The following IFT140 variants were observed in gnomAD, a reference collection of about 807,000 sequenced individuals.
IFT140 encodes intraflagellar transport protein 140 homolog.
Under a neutral mutation model 164.6 loss-of-function variants are expected in IFT140, and 133 were observed. The ratio of observed to expected loss-of-function variants is 0.81; its 90% confidence interval spans 0.70 to 0.93. IFT140 has a LOEUF of 0.93. Among genes scored for constraint, IFT140 ranks in the 40% least tolerant of loss-of-function variants. The probability of loss-of-function intolerance (pLI) is 0.00; values close to 1 mark genes in which losing one functional copy is unlikely to be tolerated. For synonymous variants in IFT140, 860 were observed against 817.3 expected, an observed-to-expected ratio of 1.05 and a Z score of -0.89; for missense variants, 2,045 against 1,972.3, an observed-to-expected ratio of 1.04 and a Z score of -0.70.
intron 8 of IFT140, 75 bp from the exon 9 acceptor site, chr16:1,587,379 T>C (rs2034943381): frequency 4.5e-6 from 4 of 882,410 alleles, no homozygotes; most frequent in African/African-American, 1.7e-5. Flanking sequence ...TTTGAACCTG[T>C]GGAGCAAACA....
chr16:1,541,647 G>A (rs1006091848), intron 19 of IFT140: 4 of 347,708 alleles, frequency 1.2e-5, no homozygotes, highest in African/African-American at 8.9e-5. Flanking sequence ...GACAGAAATA[G>A]CAGAGTAGGG....
At chr16:1,581,178 G>C (rs928280744) in intron 12 of IFT140, among the ~76,000 whole-genome samples, 1 of 152,212 alleles carries the variant, frequency 6.6e-6, no homozygotes, top group Admixed American at 6.5e-5. Context: ...ACCCAGTTAA[G>C]CAAATGTTTG....
chr16:1,583,569 G>A (rs1282698327), intron 11 of IFT140, among the ~76,000 whole-genome samples, 183 bp from the exon 12 acceptor site: 2 of 151,112 alleles, frequency 1.3e-5, no homozygotes, highest in African/African-American at 4.9e-5. Flanking sequence ...TGTTATATAA[G>A]ATATCCATGG....
At chr16:1,530,078 G>A (rs982051417) in intron 19 of IFT140, among the ~76,000 whole-genome samples, 8 of 148,076 alleles carry the variant, frequency 5.4e-5, no homozygotes, top group Non-Finnish European at 8.9e-5. Flanking sequence ...ACACCACGTT[G>A]TAAGACATGC....
chr16:1,572,663 AAAG>A (rs1471037398), intron 13 of IFT140, among the ~76,000 whole-genome samples: 4 of 152,158 alleles, frequency 2.6e-5, no homozygotes, highest in African/African-American at 9.7e-5. Context: ...CAACAACAAA[AAAG>A]AAAGCATATA....
chr16:1,598,345 G>C (rs747513188), intron 4 of IFT140, among the ~76,000 whole-genome samples: 2 of 151,808 alleles, frequency 1.3e-5, no homozygotes, highest in African/African-American at 2.4e-5. Context: ...GTAGTCCCAG[G>C]TACTCGGGAG....
At chr16:1,568,382 C>A in intron 14 of IFT140, 48 bp from the exon 15 acceptor site, 6 of 1,421,784 alleles carry the variant, frequency 4.2e-6, no homozygotes, top group Non-Finnish European at 4.9e-6. Context: ...GCCCAGTTCC[C>A]AATTCTCCGC....
Position 1,510,820 on chromosome 16 carries a change from C to G in IFT140, c.*124G>C. 1 of 918,252 alleles carries G rather than the reference C, an allele frequency of 1.1e-6. No individual in the cohort carries two copies. The highest frequency in any genetic ancestry group is 1.4e-5 in the South Asian group (1 of 69,174). 56.9% of individuals were successfully genotyped at this position (918,252 alleles called of 1,614,324 possible). Reference sequence around the variant, plus strand: ...CGGGCCGCTGCGTTCTCGCCCAGCTCTGTCGCGTATTCCAACACAGACATG... The same window carrying G: ...CGGGCCGCTGCGTTCTCGCCCAGCTGTGTCGCGTATTCCAACACAGACATG... On this transcript the variant is annotated 3_prime_UTR_variant, in exon 31 of 31. Transcript: ENST00000426508.
chr16:1,541,899 C>T (rs776027580), intron 19 of IFT140: 1 of 1,569,874 alleles, frequency 6.4e-7, no homozygotes, highest in Non-Finnish European at 8.6e-7. Context: ...CTCACCACTG[C>T]CTCTCTGCTC....
chr16:1,565,737 A>G (rs1295564691), intron 16 of IFT140, among the ~76,000 whole-genome samples: 1 of 152,232 alleles, frequency 6.6e-6, no homozygotes, highest in Non-Finnish European at 1.5e-5. Flanking sequence ...AAAGTTCTCC[A>G]AATGCCCATT....
At chr16:1,557,756 C>T in intron 19 of IFT140, 179 bp downstream of exon 19, 2 of 642,582 alleles carry the variant, frequency 3.1e-6, no homozygotes, top group Non-Finnish European at 5.4e-6. Context: ...TGAGAGCTTC[C>T]CACGTGGCAT....
intron 19 of IFT140, among the ~76,000 whole-genome samples, chr16:1,556,678 C>T (rs780930193): frequency 9.8e-5 from 15 of 152,358 alleles, no homozygotes; most frequent in Middle Eastern, 3.4e-3. Context: ...ACCAGATTCA[C>T]GTCCACAGTA....
intron 19 of IFT140, among the ~76,000 whole-genome samples, chr16:1,543,165 G>A (rs924696872): frequency 2.0e-5 from 3 of 152,248 alleles, no homozygotes; most frequent in African/African-American, 7.2e-5. Context: ...CCATGGCTGA[G>A]CATGACCAGC....
chr16:1,553,540 G>C lies in IFT140; in HGVS notation c.2399+4395C>G. ...GAGGGACATGGACAAGTCCTCTATG[G>C]ACAAGAGGGGCTGGAGAGTTTAATC... is the stretch of plus-strand genomic sequence containing the variant. On this transcript the variant is annotated intron_variant, in intron 19 of 30. Transcript: ENST00000426508. This position sits in a 1 kb window ranked among gnomAD's most constrained non-coding sequence, Gnocchi z 4.4. 1.0e-6 allele frequency: 1 copy of C among 998,210 alleles called. No individual in the cohort carries two copies. Among genetic ancestry groups the C allele is most frequent in the Non-Finnish European group, 1.2e-6 (1 of 836,758 alleles). 61.8% of individuals were successfully genotyped at this position (998,210 alleles called of 1,614,324 possible).
In IFT140 at chr16:1,525,932, G is replaced by C; in HGVS notation, c.2723C>G (p.Ala908Gly). 1 of 1,572,366 alleles carries C rather than the reference G, an allele frequency of 6.4e-7. No homozygotes were observed. The highest frequency in any genetic ancestry group is 2.4e-5 in the East Asian group (1 of 42,514). Residue 908 changes from alanine to glycine, a missense_variant, in exon 21 of 31, where the codon GCC becomes GGC. Ala to Gly is a moderately conservative substitution (Grantham distance 60). Transcript: ENST00000426508. ...VHLRSTYHRY[A>G]GHLEASADCS... ...GTCGGCGCTGGCCTCCAGGTGCCCG[G>C]CATAGCGGTGGTAGGTGCTGCGCAG...
chr16:1,603,632 G>A (rs576123741), intron 3 of IFT140, among the ~76,000 whole-genome samples: 61 of 152,104 alleles, frequency 4.0e-4, no homozygotes, highest in South Asian at 1.7e-3. Context: ...CTACAGGCGC[G>A]CCACCAAGCC....
chr16:1,520,362 G>A lies in IFT140; in HGVS notation c.3661-19C>T. ...TCATGGCCTAGGCAGAGAGACAGCG[G>A]GGCTCAGGCAAGCAGGGGCTGGGCC... On this transcript the variant is annotated intron_variant, in intron 27 of 30. Coordinates refer to ENST00000426508, the MANE Select transcript of IFT140 (RefSeq NM_014714.4). The A allele has an allele frequency of 6.2e-7, 1 of 1,612,732 alleles. No homozygotes were observed. Among genetic ancestry groups the A allele is most frequent in the Non-Finnish European group, 8.5e-7 (1 of 1,179,584 alleles).
chr16:1,534,516 G>C (rs778002297), intron 19 of IFT140: 2 of 1,607,174 alleles, frequency 1.2e-6, no homozygotes, highest in Admixed American at 1.7e-5. Context: ...CTGGGGCTCC[G>C]AGGCAGCCGG....
rs1032655969 is a variant in IFT140 at position 1,541,154 on chromosome 16, C to T, written c.2400-14358G>A. ...ATGTGCCCTGCCCACCTGGCTCCTG[C>T]AACCAGGTGTAGGTGGGGGACAGAG... On this transcript the variant is annotated intron_variant, in intron 19 of 30. Coordinates refer to ENST00000426508, the MANE Select transcript of IFT140 (RefSeq NM_014714.4). 3 of 985,318 alleles carry T rather than the reference C, an allele frequency of 3.0e-6. No individual in the cohort carries two copies. In the African/African-American group the frequency reaches 5.2e-5, roughly 17 times the overall value. The allele number at this position is 985,318 out of a possible 1,614,324, so 61.0% of individuals were successfully genotyped here. A position where few individuals can be genotyped will look rare whatever the true frequency, so the allele number is the denominator to read the frequency against.
Sources: allele counts gnomAD v4.1 joint callset (sites outside exome capture counted in the v4.1 genomes callset), GRCh38; gene constraint gnomAD v4.1.1; non-coding constraint Gnocchi (gnomAD v3.1); transcripts MANE v1.5; gene names NCBI Gene and HGNC (gene_info 2026-07-23, HGNC 2026-07-21).